Variants in TAFA1 observed in about 807,000 individuals in gnomAD.
TAFA1 encodes TAFA chemokine like family member 1.
In TAFA1, 4 loss-of-function variants were observed where a neutral mutation model predicts 18.5. The observed-to-expected ratio is 0.22, with a 90% CI of 0.11 to 0.49. The LOEUF (loss-of-function observed/expected upper bound fraction) is 0.49, where lower values mean the gene tolerates loss of function less well. TAFA1 is among the 20% of genes least tolerant of loss of function. The pLI, the probability that TAFA1 is intolerant of heterozygous loss-of-function variation, is 0.98. For missense variants in TAFA1, 147 were observed against 169.0 expected (o/e 0.87, Z 0.72); for synonymous variants, 56 against 55.2 (o/e 1.01, Z -0.06).
chr3:68,143,023 C>T (rs2065689705), intron 2 of TAFA1, among the ~76,000 whole-genome samples: 1 of 152,030 alleles, frequency 6.6e-6, no homozygotes, highest in African/African-American at 2.4e-5. Flanking sequence ...TTTAAGATGC[C>T]TCACCTAGGG....
intron 2 of TAFA1, among the ~76,000 whole-genome samples, chr3:68,389,147 A>G (rs79494406): frequency 0.022 from 3,349 of 152,260 alleles, 104 homozygotes; most frequent in African/African-American, 0.071. Context: ...ACATGCCTAG[A>G]CAGTCTTTAT....
chr3:68,528,402 T>C (rs961413878), intron 3 of TAFA1, among the ~76,000 whole-genome samples: 1 of 152,210 alleles, frequency 6.6e-6, no homozygotes, highest in African/African-American at 2.4e-5. Flanking sequence ...AGTCAATACA[T>C]AATGTCTCAA....
At chr3:67,999,364 A>G (rs974119784), upstream of TAFA1, among the ~76,000 whole-genome samples, 5 of 151,210 alleles carry the variant, frequency 3.3e-5, no homozygotes, top group African/African-American at 1.2e-4. Context: ...TAGATTGGGA[A>G]AGTTGTATTC....
intron 2 of TAFA1, among the ~76,000 whole-genome samples, chr3:68,194,855 A>T (rs146585545): frequency 6.7e-4 from 102 of 151,886 alleles, no homozygotes; most frequent in African/African-American, 2.3e-3. Flanking sequence ...TGTATAACAT[A>T]GAGACCGGCA....
At chr3:68,193,573 G>C (rs1396572804) in intron 2 of TAFA1, among the ~76,000 whole-genome samples, 4 of 151,738 alleles carry the variant, frequency 2.6e-5, no homozygotes, top group Non-Finnish European at 4.4e-5. Flanking sequence ...TGTTTGTTAA[G>C]TTTGCTGCAT....
the TAFA1 span, among the ~76,000 whole-genome samples, chr3:67,994,982 A>T: frequency 6.6e-6 from 1 of 152,144 alleles, no homozygotes; most frequent in South Asian, 2.1e-4. Flanking sequence ...GCAACCATGA[A>T]ATCTACCAAA....
intron 2 of TAFA1, among the ~76,000 whole-genome samples, chr3:68,092,024 C>T (rs980875660): frequency 2.0e-5 from 3 of 152,106 alleles, no homozygotes; most frequent in African/African-American, 7.2e-5. Flanking sequence ...CAGTTCAAAG[C>T]AATGTCCCAT....
At chr3:68,281,366 T>C (rs1481782704) in intron 2 of TAFA1, among the ~76,000 whole-genome samples, 1 of 152,192 alleles carries the variant, frequency 6.6e-6, no homozygotes, top group Non-Finnish European at 1.5e-5. Context: ...ATTTTCAGTG[T>C]TTTAAAAATC....
intron 2 of TAFA1, among the ~76,000 whole-genome samples, chr3:68,213,099 A>G (rs1415762818): frequency 1.3e-5 from 2 of 151,910 alleles, no homozygotes; most frequent in African/African-American, 4.8e-5. Context: ...CTGCACTTCA[A>G]CAGAAGTCAG....
intron 2 of TAFA1, among the ~76,000 whole-genome samples, chr3:68,077,664 CTA>C (rs1396438141): frequency 6.6e-6 from 1 of 151,816 alleles, no homozygotes; most frequent in Non-Finnish European, 1.5e-5. Flanking sequence ...TTCCATTGAT[CTA>C]TATCTCTATT....
chr3:68,006,352 G>T, intron 1 of TAFA1: 1 of 388,946 alleles, frequency 2.6e-6, no homozygotes, highest in Admixed American at 3.5e-5. Flanking sequence ...GTTTTAAACC[G>T]ACTAACTGAT....
intron 2 of TAFA1, among the ~76,000 whole-genome samples, chr3:68,348,645 T>C (rs991460980): frequency 1.0e-3 from 156 of 152,148 alleles, no homozygotes; most frequent in African/African-American, 3.7e-3. Context: ...ACTTGACTCC[T>C]GAAACGCCAA....
intron 2 of TAFA1, among the ~76,000 whole-genome samples, chr3:68,161,742 T>A (rs1207056918): frequency 6.6e-6 from 1 of 152,124 alleles, no homozygotes; most frequent in African/African-American, 2.4e-5. Context: ...TTATTTTGAG[T>A]TCATATTTTT....
At chr3:68,257,141 C>T (rs1307445702) in intron 2 of TAFA1, among the ~76,000 whole-genome samples, 2 of 152,112 alleles carry the variant, frequency 1.3e-5, no homozygotes, top group African/African-American at 2.4e-5. Flanking sequence ...TTGCAACCTG[C>T]TGTTCTGCTA....
chr3:68,253,041 C>A (rs532853168), intron 2 of TAFA1, among the ~76,000 whole-genome samples: 1 of 152,148 alleles, frequency 6.6e-6, no homozygotes, highest in South Asian at 2.1e-4. Context: ...CCATGTGGAA[C>A]TGTGAGTCCA....
chr3:68,273,407 C>T (rs1462746903), intron 2 of TAFA1, among the ~76,000 whole-genome samples: 1 of 152,158 alleles, frequency 6.6e-6, no homozygotes, highest in Non-Finnish European at 1.5e-5. Flanking sequence ...TTGTGTCTTG[C>T]AAAGGACACA....
chr3:68,047,090 C>T (rs923709155), intron 2 of TAFA1, among the ~76,000 whole-genome samples: 4 of 152,142 alleles, frequency 2.6e-5, no homozygotes, highest in Admixed American at 2.6e-4. Context: ...TTTATCTGCT[C>T]AACTGTTCTC....
chr3:68,464,048 A>G (rs2071835374), intron 3 of TAFA1, among the ~76,000 whole-genome samples: 1 of 152,118 alleles, frequency 6.6e-6, no homozygotes, highest in Admixed American at 6.6e-5. Flanking sequence ...ATGAGGTAGG[A>G]TGTTATTTCA....
chr3:68,274,015 G>A (rs1318014149), intron 2 of TAFA1, among the ~76,000 whole-genome samples: 1 of 152,110 alleles, frequency 6.6e-6, no homozygotes, highest in African/African-American at 2.4e-5. Context: ...TTTCTTGCCA[G>A]GCCCTAGGGT....
Sources: allele counts gnomAD v4.1 joint callset (sites outside exome capture counted in the v4.1 genomes callset), GRCh38; gene constraint gnomAD v4.1.1; transcripts MANE v1.5; gene names NCBI Gene and HGNC (gene_info 2026-07-23, HGNC 2026-07-21).